The following ARHGAP42 variants were observed in gnomAD, a reference collection of about 807,000 sequenced individuals.
The protein encoded by ARHGAP42 is rho GTPase-activating protein 42.
ARHGAP42 carries 63 observed loss-of-function variants against 125.0 expected under a neutral mutation model. The ratio of observed to expected loss-of-function variants is 0.50; its 90% CI spans 0.41 to 0.62. The LOEUF (loss-of-function observed/expected upper bound fraction) is 0.62. Among genes scored for constraint, ARHGAP42 ranks in the 20% least tolerant of loss-of-function variants. The probability of loss-of-function intolerance (pLI) is 0.00; values close to 1 mark genes in which losing one functional copy is unlikely to be tolerated. For synonymous variants in ARHGAP42, 339 were observed against 351.0 expected (o/e 0.97, Z 0.38); for missense variants, 766 against 1,024.2 (o/e 0.75, Z 3.44).
intron 3 of ARHGAP42, among the ~76,000 whole-genome samples, chr11:100,825,022 A>G (rs1864482963): frequency 6.6e-6 from 1 of 152,222 alleles, no homozygotes; most frequent in Non-Finnish European, 1.5e-5. Flanking sequence ...AGTATGGTGC[A>G]TTCATCACAA....
chr11:100,698,307 T>C (rs1248358044), intron 1 of ARHGAP42, among the ~76,000 whole-genome samples: 1 of 151,918 alleles, frequency 6.6e-6, no homozygotes, highest in Non-Finnish European at 1.5e-5. Flanking sequence ...CCTGTCCCTA[T>C]AGAAAAAAAG....
chr11:100,957,244 T>G (rs984930041), intron 12 of ARHGAP42, among the ~76,000 whole-genome samples: 2 of 152,074 alleles, frequency 1.3e-5, no homozygotes, highest in African/African-American at 4.8e-5. Flanking sequence ...AATGACTGGC[T>G]TCTTTTATAA....
At chr11:100,734,969 A>G (rs1460117278) in intron 1 of ARHGAP42, among the ~76,000 whole-genome samples, 3 of 152,200 alleles carry the variant, frequency 2.0e-5, no homozygotes, top group African/African-American at 4.8e-5. Flanking sequence ...TGAAATGCAC[A>G]GTAAGGACAA....
intron 5 of ARHGAP42, among the ~76,000 whole-genome samples, chr11:100,915,975 C>T (rs897122092): frequency 6.6e-6 from 1 of 152,156 alleles, no homozygotes; most frequent in South Asian, 2.1e-4. Flanking sequence ...AGCTCTGGTC[C>T]TTCTGTCAGC....
At chr11:100,703,729 G>C (rs370375868) in intron 1 of ARHGAP42, among the ~76,000 whole-genome samples, 1 of 152,154 alleles carries the variant, frequency 6.6e-6, no homozygotes, top group African/African-American at 2.4e-5. Context: ...CATATCTACT[G>C]GTGCTTTAGT....
chr11:100,974,954 T>G (rs1858350179), intron 19 of ARHGAP42, among the ~76,000 whole-genome samples: 1 of 152,170 alleles, frequency 6.6e-6, no homozygotes, highest in East Asian at 1.9e-4. Context: ...TCTTCCTTCC[T>G]TTCACATTAT....
intron 3 of ARHGAP42, among the ~76,000 whole-genome samples, chr11:100,850,791 C>T (rs1304619513): frequency 1.3e-5 from 2 of 151,542 alleles, no homozygotes; most frequent in Non-Finnish European, 2.9e-5. Context: ...TCTGAGTTTC[C>T]CTAACAACAT....
At chr11:100,974,721 C>A in intron 19 of ARHGAP42, 118 bp downstream of exon 19, 3 of 1,074,020 alleles carry the variant, frequency 2.8e-6, no homozygotes. Flanking sequence ...TTCCCCAACA[C>A]CTCCTCTTTT....
At chr11:100,873,780 A>C (rs10895024) in intron 4 of ARHGAP42, among the ~76,000 whole-genome samples, 46,575 of 152,018 alleles carry the variant, frequency 0.31, 7,254 homozygotes, top group Non-Finnish European at 0.32. Context: ...AGAAAGGGCA[A>C]TGTAATTTGC....
intron 1 of ARHGAP42, among the ~76,000 whole-genome samples, chr11:100,740,949 A>AG (rs1862172055): frequency 6.6e-6 from 1 of 152,162 alleles, no homozygotes; most frequent in South Asian, 2.1e-4. Context: ...CATGGGCTTG[A>AG]GGGGGAAAGC....
intron 17 of ARHGAP42, among the ~76,000 whole-genome samples, chr11:100,971,692 A>G (rs886855234): frequency 6.6e-6 from 1 of 152,204 alleles, no homozygotes; most frequent in Non-Finnish European, 1.5e-5. Context: ...TATTTACATT[A>G]TGGGAACCAT....
At chr11:100,906,640 T>C (rs1866746438) in intron 4 of ARHGAP42, among the ~76,000 whole-genome samples, 1 of 152,190 alleles carries the variant, frequency 6.6e-6, no homozygotes, top group African/African-American at 2.4e-5. Context: ...TTCTCTTGAT[T>C]TTATTATCTC....
At chr11:100,963,313 A>T (rs1364098709) in intron 16 of ARHGAP42, among the ~76,000 whole-genome samples, 1 of 152,220 alleles carries the variant, frequency 6.6e-6, no homozygotes, top group African/African-American at 2.4e-5. Flanking sequence ...AAATATTAGC[A>T]GGAAGAGTTG....
At chr11:100,809,487 T>A (rs1864086145) in intron 3 of ARHGAP42, among the ~76,000 whole-genome samples, 1 of 152,240 alleles carries the variant, frequency 6.6e-6, no homozygotes, top group East Asian at 1.9e-4. Context: ...ACATTGTCAT[T>A]TGAACAGAAT....
chr11:100,794,075 CAAAAAAAAAAAAAAAAAAAAA>C (rs869272420), intron 2 of ARHGAP42, among the ~76,000 whole-genome samples: 3 of 44,844 alleles, frequency 6.7e-5, no homozygotes, highest in Admixed American at 3.3e-4. Context: ...GACCCTGTCT[CAAAAAAAAAAAAAAAAAAAAA>C]AAAAAAAAAA....
intron 2 of ARHGAP42, among the ~76,000 whole-genome samples, chr11:100,771,993 C>T (rs1337055628): frequency 6.6e-6 from 1 of 152,180 alleles, no homozygotes; most frequent in Non-Finnish European, 1.5e-5. Context: ...ATGGACCACG[C>T]TCTGAGAAGC....
intron 4 of ARHGAP42, among the ~76,000 whole-genome samples, chr11:100,864,429 G>A (rs571843704): frequency 6.6e-6 from 1 of 152,032 alleles, no homozygotes; most frequent in Non-Finnish European, 1.5e-5. Context: ...TGATCCGCCC[G>A]CCTCAGCCTC....
intron 1 of ARHGAP42, among the ~76,000 whole-genome samples, chr11:100,700,992 T>C (rs1382497774): frequency 2.6e-5 from 4 of 152,212 alleles, no homozygotes; most frequent in African/African-American, 9.6e-5. Flanking sequence ...ATCATAAGAT[T>C]AGAAAGTTGA....
intron 1 of ARHGAP42, among the ~76,000 whole-genome samples, chr11:100,746,192 T>G (rs1364230021): frequency 2.6e-5 from 4 of 152,216 alleles, no homozygotes; most frequent in African/African-American, 9.6e-5. Context: ...TCTTGCAAAT[T>G]CTTAAGCTCA....
Sources: gnomAD v4.1 joint callset for allele counts (sites outside exome capture counted in the v4.1 genomes callset) on GRCh38, gnomAD v4.1.1 for gene constraint, MANE v1.5 for transcripts, NCBI Gene and HGNC (gene_info 2026-07-23, HGNC 2026-07-21) for gene names.